CPZ: variants seen among roughly 807,000 people sequenced by gnomAD.
CPZ encodes carboxypeptidase Z.
Under a neutral mutation model 61.8 loss-of-function variants are expected in CPZ, and 103 were observed. The ratio of observed to expected loss-of-function variants is 1.67; its 90% CI spans 1.42 to 1.96. The LOEUF (loss-of-function observed/expected upper bound fraction) is 1.96, where lower values mean the gene tolerates loss of function less well. Among genes scored for constraint, CPZ ranks in the 30% most tolerant of loss-of-function variants. The pLI, the probability that CPZ is intolerant of heterozygous loss-of-function variation, is 0.00. For synonymous variants in CPZ, 551 were observed against 373.7 expected (o/e 1.47, Z -5.47); for missense variants, 1,461 against 914.9 (o/e 1.60, Z -7.70).
At chr4:8,612,259 T>G in intron 8 of CPZ, 97 bp downstream of exon 8, 1 of 1,088,334 alleles carries the variant, frequency 9.2e-7, no homozygotes, top group Non-Finnish European at 1.3e-6. Context: ...GCTGCTGGGA[T>G]CCAGCTGGAG....
In CPZ at chr4:8,604,103, C is replaced by T. The variant is rs756983010; in HGVS notation, c.624C>T (p.Ala208=). ...RRTASRCAHV[A]RTYSIGRSFD... ...CGGCCTCCCGCTGCGCCCACGTGGC[C>T]AGGACCTACAGCATCGGGCGCAGCT... Residue 208 remains alanine, a synonymous_variant, in exon 4 of 11, where the codon GCC becomes GCT. Transcript: ENST00000360986. 9 of 1,606,470 alleles carry T rather than the reference C, an allele frequency of 5.6e-6. No homozygotes were observed. The highest frequency in any genetic ancestry group is 7.6e-6 in the Non-Finnish European group (9 of 1,177,264).
chr4:8,619,457 C>T lies in CPZ; in HGVS notation c.1799C>T (p.Pro600Leu). The T allele has an allele frequency of 6.2e-7, 1 of 1,612,462 alleles. No homozygotes were observed. Among genetic ancestry groups the T allele is most frequent in the South Asian group, 1.1e-5 (1 of 90,822 alleles). Residue 600 changes from proline (P) to leucine (L), a missense_variant, in exon 11 of 11, where the codon CCC (proline) becomes CTC (leucine). Coordinates refer to ENST00000360986, the MANE Select transcript of CPZ (RefSeq NM_001014447.3). ...ATTCATGGGCTGCGGAGGACTGGGCCCCACGACCCACTGGGAGGTGCCAGC... is the reference window on the plus strand; with the variant it reads ...ATTCATGGGCTGCGGAGGACTGGGCTCCACGACCCACTGGGAGGTGCCAGC... ...NFIHGLRRTG[P>L]HDPLGGASSL...
chr4:8,595,590 C>T (rs1203354905), intron 1 of CPZ, among the ~76,000 whole-genome samples: 1 of 152,238 alleles, frequency 6.6e-6, no homozygotes, highest in Non-Finnish European at 1.5e-5. Context: ...GGTCTTGGGG[C>T]AGTTGCAGCC....
Position 8,611,954 on chromosome 4 carries a change from C to A in CPZ, c.1228-73C>A, listed in dbSNP as rs1715735492. ...CAGGTGTTTGCACGCGCAGCTCCTC[C>A]CCTCATTGACCCCAGCTCACAGGAC... On this transcript the variant is annotated intron_variant, in intron 7 of 10. Transcript: ENST00000360986. 2.5e-6 allele frequency: 4 copies of A among 1,607,552 alleles called. No homozygotes were observed. The Admixed American group carries it at 5.0e-5, about 20-fold the overall frequency.
At chr4:8,607,551 C>G in intron 7 of CPZ, 126 bp downstream of exon 7, 1 of 1,075,892 alleles carries the variant, frequency 9.3e-7, no homozygotes, top group Non-Finnish European at 1.3e-6. Context: ...CAGAGCGGGT[C>G]AGCACCACCT....
In CPZ at chr4:8,619,685, TTGA is replaced by T; in HGVS notation, c.*70_*72del. The T allele has an allele frequency of 7.9e-7, 1 of 1,258,394 alleles. No individual in the cohort carries two copies. The highest frequency in any genetic ancestry group is 1.1e-6 in the Non-Finnish European group (1 of 943,224). The allele number at this position is 1,258,394 out of a possible 1,614,324, so 78.0% of individuals were successfully genotyped here. On this transcript the variant is annotated 3_prime_UTR_variant, in exon 11 of 11. Coordinates refer to ENST00000360986, the MANE Select transcript of CPZ (RefSeq NM_001014447.3). ...TCTCCGCATCCCGGGCTCCTGGCTCTTGATTTTGTCTGCCACAGACATCCCACA... is the reference window on the plus strand; with the variant it reads ...TCTCCGCATCCCGGGCTCCTGGCTCTTTTTGTCTGCCACAGACATCCCACA...
At chr4:8,618,827 C>T (rs903983442) in intron 10 of CPZ, among the ~76,000 whole-genome samples, 11 of 152,244 alleles carry the variant, frequency 7.2e-5, no homozygotes, top group Admixed American at 7.2e-4. Flanking sequence ...ACCTCCACCC[C>T]TAAGCCTGTT....
rs376761004 is a variant in CPZ, at chr4:8,614,405, G to A, written c.1410G>A (p.Thr470=). The change falls in exon 9 of 11, where the codon ACG becomes ACA. Residue 470 remains threonine (T), a synonymous_variant. Transcript: ENST00000360986. ...TGCACACCAACTGCTTTGAGATCAC[G>A]GTAGAGCTGGGCTGTGTGAAGTTCC... ...NYLHTNCFEI[T]VELGCVKFPP... 1.0e-4 allele frequency: 163 copies of A among 1,614,014 alleles called. No homozygotes were observed. Among genetic ancestry groups the A allele is most frequent in the Middle Eastern group, 3.3e-4 (2 of 6,060 alleles).
intron 8 of CPZ, among the ~76,000 whole-genome samples, chr4:8,613,021 C>G (rs980901050): frequency 1.3e-5 from 2 of 152,226 alleles, no homozygotes; most frequent in Non-Finnish European, 2.9e-5. Context: ...GCGGCGCAGC[C>G]TCTCTCCCTT....
intron 7 of CPZ, among the ~76,000 whole-genome samples, chr4:8,609,386 T>C (rs1162465343): frequency 6.6e-6 from 1 of 152,202 alleles, no homozygotes; most frequent in Non-Finnish European, 1.5e-5. Context: ...CTCACTCTTA[T>C]TCTTTCACTC....
At chr4:8,606,483 G>C (rs562632034) in intron 5 of CPZ, among the ~76,000 whole-genome samples, 3 of 152,246 alleles carry the variant, frequency 2.0e-5, no homozygotes, top group South Asian at 4.1e-4. Flanking sequence ...GGTGGGCAAC[G>C]AGCAGAGCAG....
At chr4:8,603,620 A>G in intron 3 of CPZ, 1 of 283,982 alleles carries the variant, frequency 3.5e-6, no homozygotes, top group Non-Finnish European at 6.5e-6. Flanking sequence ...CGCCCAGGAA[A>G]ATCCCCTCTG....
At chr4:8,593,777 C>T (rs931635129) in intron 1 of CPZ, among the ~76,000 whole-genome samples, 1 of 152,178 alleles carries the variant, frequency 6.6e-6, no homozygotes, top group East Asian at 1.9e-4. Context: ...CACAATACCC[C>T]ACCCCAGTGC....
At chr4:8,608,199 G>A (rs181754229) in intron 7 of CPZ, among the ~76,000 whole-genome samples, 170 of 151,160 alleles carry the variant, frequency 1.1e-3, no homozygotes, top group African/African-American at 4.0e-3. Flanking sequence ...ACTGCCCCTA[G>A]TGGTCCCCAC....
In CPZ at chr4:8,607,380, G is replaced by A; in HGVS notation, c.1182G>A (p.Lys394=). ...TGTCCTACCCCTTCGACTTCTCCAA[G>A]CACCCCCAGGAGGAGAAGATGTTTT... ...LVVSYPFDFS[K]HPQEEKMFSP... The change falls in exon 7 of 11, where the codon AAG becomes AAA. Residue 394 remains lysine (K), a synonymous_variant. Transcript: ENST00000360986. The A allele has an allele frequency of 1.9e-6, 3 of 1,614,092 alleles. No individual in the cohort carries two copies. Among genetic ancestry groups the A allele is most frequent in the Non-Finnish European group, 2.5e-6 (3 of 1,179,968 alleles).
chr4:8,597,001 C>G (rs754168964), intron 1 of CPZ, among the ~76,000 whole-genome samples: 4 of 152,236 alleles, frequency 2.6e-5, no homozygotes, highest in Non-Finnish European at 4.4e-5. Context: ...ACGCTCAGTG[C>G]CAGCCGGGCA....
At chr4:8,609,241 T>TTCAC in intron 7 of CPZ, among the ~76,000 whole-genome samples, 1 of 48,014 alleles carries the variant, frequency 2.1e-5, no homozygotes, top group East Asian at 7.8e-4. Context: ...TTGTCACTCA[T>TTCAC]TCACTCATCA....
chr4:8,616,193 A>T (rs1002609093), intron 9 of CPZ, among the ~76,000 whole-genome samples: 1 of 152,174 alleles, frequency 6.6e-6, no homozygotes, highest in Non-Finnish European at 1.5e-5. Flanking sequence ...CGGGCTCCTG[A>T]TAAGGATCAA....
chr4:8,610,717 T>G (rs889929084), intron 7 of CPZ, among the ~76,000 whole-genome samples: 8 of 152,198 alleles, frequency 5.3e-5, no homozygotes, highest in African/African-American at 1.9e-4. Flanking sequence ...ACTCCTGAGC[T>G]GATGCTGCCC....
Sources: gnomAD v4.1 joint callset for allele counts (sites outside exome capture counted in the v4.1 genomes callset) on GRCh38, gnomAD v4.1.1 for gene constraint, MANE v1.5 for transcripts, NCBI Gene and HGNC (gene_info 2026-07-23, HGNC 2026-07-21) for gene names.